Variants in KLF13 observed in about 807,000 individuals in gnomAD.
KLF13 encodes the protein Krueppel-like factor 13.
KLF13 carries 8 observed loss-of-function variants against 16.7 expected under a neutral mutation model. The observed-to-expected ratio is 0.48, with a 90% CI of 0.28 to 0.87. The LOEUF (loss-of-function observed/expected upper bound fraction) is 0.87, where lower values mean the gene tolerates loss of function less well. Ranked by LOEUF, KLF13 falls within the 40% of genes least tolerant of loss-of-function variation. The pLI is 0.10. For synonymous variants in KLF13, 245 were observed against 208.4 expected (o/e 1.18, Z -1.51); for missense variants, 447 against 452.2 (o/e 0.99, Z 0.10).
Position 31,375,665 on chromosome 15 carries a change from A to G in KLF13, c.*3366A>G, listed in dbSNP as rs2039630860. Reference sequence around the variant, plus strand: ...GGAAGCCCCTCTTTACATCAGCCATATTAGGGGAACGGTTGTCAGCTCCCC... The same window carrying G: ...GGAAGCCCCTCTTTACATCAGCCATGTTAGGGGAACGGTTGTCAGCTCCCC... On this transcript the variant is annotated 3_prime_UTR_variant, in exon 2 of 2. Coordinates refer to ENST00000307145, the MANE Select transcript of KLF13 (RefSeq NM_015995.4). 1 of 152,174 alleles carries G rather than the reference A, an allele frequency of 6.6e-6. No individual in the cohort carries two copies. The highest frequency in any genetic ancestry group is 2.4e-5 in the African/African-American group (1 of 41,434). The allele number at this position is 152,174 out of a possible 1,614,324, so 9.4% of individuals were successfully genotyped here.
intron 1 of KLF13, among the ~76,000 whole-genome samples, chr15:31,414,609 A>G (rs1442194673): frequency 6.6e-6 from 1 of 152,226 alleles, no homozygotes; most frequent in East Asian, 1.9e-4. Context: ...AAAACAAAAT[A>G]TGTTGCTGGA....
chr15:31,365,509 T>C (rs1274470337), intron 1 of KLF13, among the ~76,000 whole-genome samples: 1 of 149,656 alleles, frequency 6.7e-6, no homozygotes, highest in African/African-American at 2.5e-5. Flanking sequence ...TACCGGGCAT[T>C]GGAAACATTG....
intron 1 of KLF13, among the ~76,000 whole-genome samples, chr15:31,426,931 T>A (rs2040407526): frequency 6.6e-6 from 1 of 152,206 alleles, no homozygotes; most frequent in Non-Finnish European, 1.5e-5. Flanking sequence ...ACCCTTCTTC[T>A]CTTGCTCTTG....
At chr15:31,411,916 T>C (rs1173794085) in intron 1 of KLF13, among the ~76,000 whole-genome samples, 2 of 152,200 alleles carry the variant, frequency 1.3e-5, no homozygotes, top group Non-Finnish European at 2.9e-5. Context: ...ACTCAATATG[T>C]CTACCCAAGG....
chr15:31,343,607 G>A (rs1000404597), intron 1 of KLF13, among the ~76,000 whole-genome samples: 9 of 152,166 alleles, frequency 5.9e-5, no homozygotes, highest in East Asian at 1.9e-4. Context: ...CTCCTGAACC[G>A]CAGGAGCAAG....
At chr15:31,369,471 C>T (rs578149937) in intron 1 of KLF13, among the ~76,000 whole-genome samples, 2 of 152,340 alleles carry the variant, frequency 1.3e-5, no homozygotes, top group East Asian at 1.9e-4. Flanking sequence ...GAGGCATTTT[C>T]GTTTACATCT....
chr15:31,347,882 T>A (rs1233856442), intron 1 of KLF13, among the ~76,000 whole-genome samples: 2 of 152,178 alleles, frequency 1.3e-5, no homozygotes, highest in East Asian at 3.9e-4. Flanking sequence ...GGTGTGTTGT[T>A]GGCTTCTCCT....
chr15:31,328,312 C>T (rs2038758969), intron 1 of KLF13, among the ~76,000 whole-genome samples: 2 of 151,922 alleles, frequency 1.3e-5, no homozygotes, highest in Non-Finnish European at 2.9e-5. Flanking sequence ...TTTCCTTCGC[C>T]ACTCGGCACA....
At chr15:31,348,391 C>T (rs1206263730) in intron 1 of KLF13, among the ~76,000 whole-genome samples, 1 of 152,204 alleles carries the variant, frequency 6.6e-6, no homozygotes. Context: ...CACGCCGCAC[C>T]ACATGCTTTT....
At chr15:31,360,262 G>A (rs1054507494) in intron 1 of KLF13, among the ~76,000 whole-genome samples, 2 of 152,254 alleles carry the variant, frequency 1.3e-5, no homozygotes, top group East Asian at 1.9e-4. Flanking sequence ...GTGTGGGCAC[G>A]GACATGCAGC....
At chr15:31,336,757 G>A (rs548367631) in intron 1 of KLF13, among the ~76,000 whole-genome samples, 2 of 152,240 alleles carry the variant, frequency 1.3e-5, no homozygotes, top group South Asian at 4.1e-4. Context: ...CAGAGGGCAT[G>A]GGTCCAGCAG....
rs532605603 is a variant in KLF13 at position 31,327,147 on chromosome 15, C to T, written c.-66C>T. The T allele has an allele frequency of 2.0e-5, 23 of 1,171,038 alleles. No homozygotes were observed. The East Asian group carries it at 9.7e-4, about 50-fold the overall frequency. 72.5% of individuals were successfully genotyped at this position (1,171,038 alleles called of 1,614,324 possible). On this transcript the variant is annotated 5_prime_UTR_variant, in exon 1 of 2. Transcript: ENST00000307145. Reference sequence around the variant, plus strand: ...CCGCCCCCCGCCCGCTCTCCCGAGGCCGTGGGTGCGGATGCGCGGCTGACG... The same window carrying T: ...CCGCCCCCCGCCCGCTCTCCCGAGGTCGTGGGTGCGGATGCGCGGCTGACG...
At chr15:31,379,911 C>T (rs1284928719), downstream of KLF13, among the ~76,000 whole-genome samples, 1 of 152,114 alleles carries the variant, frequency 6.6e-6, no homozygotes, top group Non-Finnish European at 1.5e-5. Flanking sequence ...GCATAGTGAC[C>T]CAGGTGAGGG....
downstream of KLF13, chr15:31,404,832 C>G (rs1387690748): frequency 1.3e-5 from 2 of 152,488 alleles, no homozygotes; most frequent in African/African-American, 2.4e-5. Flanking sequence ...TGGAAAGAAC[C>G]AACTCCCGAC....
intron 1 of KLF13, among the ~76,000 whole-genome samples, chr15:31,417,135 A>T (rs555021440): frequency 6.6e-6 from 1 of 152,336 alleles, no homozygotes; most frequent in South Asian, 2.1e-4. Flanking sequence ...CAATCACAAG[A>T]TGCTGACCCC....
intron 1 of KLF13, among the ~76,000 whole-genome samples, chr15:31,383,828 G>A (rs2039760910): frequency 6.6e-6 from 1 of 152,158 alleles, no homozygotes; most frequent in African/African-American, 2.4e-5. Flanking sequence ...TGTGAACCTG[G>A]GAGGCAGAGC....
At position 31,430,450 on chromosome 15, in the gene KLF13, T is replaced by C. The variant is rs1406142644; in HGVS notation, n.118-4920T>C. Among the ~76,000 whole-genome samples the C allele has an allele frequency of 6.6e-5, 10 of 152,302 alleles. No homozygotes were observed. The East Asian group carries it at 1.7e-3, about 26-fold the overall frequency. On this transcript the variant is annotated intron_variant and non_coding_transcript_variant, in intron 1 of 1. Coordinates refer to the KLF13 transcript ENST00000558225. ...GTAAGTCAAGATTAAAGGGCCGGCA[T>C]CTGGCAAGGGTCTTCTTGCTGCATC...
Position 31,327,099 on chromosome 15 carries a change from C to G in KLF13, c.-114C>G, listed in dbSNP as rs886424208. 5.1e-6 allele frequency: 5 copies of G among 972,364 alleles called. No individual in the cohort carries two copies. The African/African-American group carries it at 7.0e-5, about 14-fold the overall frequency. The allele number at this position is 972,364 out of a possible 1,614,324, so 60.2% of individuals were successfully genotyped here. The stretch of plus-strand genomic sequence containing the variant: ...GCGCCCAGCCCAGCCCAGCCCAGCC[C>G]GAGGAGAGGGCGCGCCGCGCCCCCG... On this transcript the variant is annotated 5_prime_UTR_variant, in exon 1 of 2. Transcript: ENST00000307145.
intron 1 of KLF13, among the ~76,000 whole-genome samples, chr15:31,335,469 GTGTGTGTA>G (rs1421830169): frequency 0.071 from 5,859 of 82,538 alleles, 348 homozygotes; most frequent in African/African-American, 0.12. Flanking sequence ...GTGTGTGTGT[GTGTGTGTA>G]TGGTGGCGGG....
Sources: allele counts gnomAD v4.1 joint callset (sites outside exome capture counted in the v4.1 genomes callset), GRCh38; gene constraint gnomAD v4.1.1; transcripts MANE v1.5; gene names NCBI Gene and HGNC (gene_info 2026-07-23, HGNC 2026-07-21).